Variants in SLC25A21 observed in about 807,000 individuals in gnomAD.
The protein encoded by SLC25A21 is solute carrier family 25 member 21, also known as mitochondrial 2-oxodicarboxylate carrier.
Under a neutral mutation model 43.8 loss-of-function variants are expected in SLC25A21, and 47 were observed. That is an observed-to-expected ratio of 1.07 (90% CI 0.85 to 1.37). The LOEUF is 1.37. Among genes scored for constraint, SLC25A21 ranks in the 40% most tolerant of loss-of-function variants. The pLI is 0.00. For synonymous variants in SLC25A21, 131 were observed against 121.3 expected (o/e 1.08, Z -0.52); for missense variants, 352 against 350.2 (o/e 1.00, Z -0.04).
intron 1 of SLC25A21, among the ~76,000 whole-genome samples, chr14:36,941,237 T>A (rs1253382884): frequency 6.6e-6 from 1 of 151,936 alleles, no homozygotes; most frequent in East Asian, 1.9e-4. Flanking sequence ...TGGAAAAAAA[T>A]CATCTCATAT....
At chr14:36,768,074 T>C (rs1886480403) in intron 3 of SLC25A21, among the ~76,000 whole-genome samples, 1 of 152,220 alleles carries the variant, frequency 6.6e-6, no homozygotes, top group Non-Finnish European at 1.5e-5. Flanking sequence ...TCTAAAAATC[T>C]TCGGCATTCC....
At chr14:36,993,084 C>T (rs1233092027) in intron 1 of SLC25A21, among the ~76,000 whole-genome samples, 1 of 152,142 alleles carries the variant, frequency 6.6e-6, no homozygotes, top group Non-Finnish European at 1.5e-5. Context: ...TTTATTATTG[C>T]TTTTACGTTT....
intron 1 of SLC25A21, among the ~76,000 whole-genome samples, chr14:37,108,084 T>C (rs926248767): frequency 6.6e-6 from 1 of 152,184 alleles, no homozygotes; most frequent in African/African-American, 2.4e-5. Context: ...CTCCCACCTG[T>C]GAAATAGAAA....
chr14:37,105,249 G>A (rs1962889354), intron 1 of SLC25A21, among the ~76,000 whole-genome samples: 1 of 152,204 alleles, frequency 6.6e-6, no homozygotes, highest in South Asian at 2.1e-4. Flanking sequence ...ATAATTAAAT[G>A]TGAAGTCAAA....
At chr14:37,077,200 T>TA (rs1276947826) in intron 1 of SLC25A21, among the ~76,000 whole-genome samples, 1 of 152,218 alleles carries the variant, frequency 6.6e-6, no homozygotes, top group East Asian at 1.9e-4. Context: ...CAAGCATTGA[T>TA]AAAGTTTTTT....
intron 1 of SLC25A21, among the ~76,000 whole-genome samples, chr14:37,110,105 GA>G (rs971157695): frequency 2.0e-5 from 3 of 152,090 alleles, no homozygotes; most frequent in Admixed American, 6.6e-5. Context: ...TCATACTTGT[GA>G]AAAAAATGTA....
intron 3 of SLC25A21, among the ~76,000 whole-genome samples, chr14:36,784,691 C>T (rs1337548721): frequency 2.0e-5 from 3 of 152,102 alleles, no homozygotes; most frequent in African/African-American, 7.2e-5. Context: ...AAGTAAAAGG[C>T]CAAACTGGAT....
intron 1 of SLC25A21, among the ~76,000 whole-genome samples, chr14:37,013,527 T>C (rs886715731): frequency 6.6e-6 from 1 of 152,178 alleles, no homozygotes; most frequent in African/African-American, 2.4e-5. Context: ...TTTTCAAAAA[T>C]CTCTTAATAT....
chr14:36,929,893 T>C (rs1483485914), intron 1 of SLC25A21, among the ~76,000 whole-genome samples: 2 of 152,108 alleles, frequency 1.3e-5, no homozygotes, highest in Non-Finnish European at 2.9e-5. Context: ...CCATATTACC[T>C]CCAATATTGG....
intron 3 of SLC25A21, among the ~76,000 whole-genome samples, chr14:36,769,244 G>T (rs992768549): frequency 2.0e-5 from 3 of 152,158 alleles, no homozygotes; most frequent in Non-Finnish European, 4.4e-5. Flanking sequence ...TTCTATCGTG[G>T]TGCTTTTGAA....
At chr14:36,784,462 C>G (rs1887179554) in intron 3 of SLC25A21, among the ~76,000 whole-genome samples, 1 of 152,140 alleles carries the variant, frequency 6.6e-6, no homozygotes, top group Non-Finnish European at 1.5e-5. Context: ...TTCTAAGCAG[C>G]ACATAGTCTT....
chr14:36,717,865 AAG>A (rs1410347308), intron 6 of SLC25A21, among the ~76,000 whole-genome samples: 1 of 152,128 alleles, frequency 6.6e-6, no homozygotes, highest in Admixed American at 6.5e-5. Flanking sequence ...CAACCTTATA[AAG>A]AGAGGATTTG....
intron 1 of SLC25A21, among the ~76,000 whole-genome samples, chr14:37,165,338 C>T (rs1156363756): frequency 1.3e-5 from 2 of 151,732 alleles, no homozygotes; most frequent in Non-Finnish European, 2.9e-5. Flanking sequence ...GATTGCGCCA[C>T]TGTACTCCAG....
intron 3 of SLC25A21, among the ~76,000 whole-genome samples, chr14:36,810,497 T>C (rs1422442888): frequency 6.6e-6 from 1 of 152,192 alleles, no homozygotes; most frequent in Non-Finnish European, 1.5e-5. Context: ...TAAAGGTTTA[T>C]ATTATCAACG....
chr14:36,832,156 C>A (rs1889061549), intron 2 of SLC25A21, among the ~76,000 whole-genome samples: 1 of 152,076 alleles, frequency 6.6e-6, no homozygotes, highest in Admixed American at 6.6e-5. Context: ...GAAGCTGGAG[C>A]TGTTTGTGGA....
Position 36,813,953 on chromosome 14 carries a change from C to G in SLC25A21, c.168G>C (p.Leu56Phe), listed in dbSNP as rs191845006. The change falls in exon 3 of 10, where the codon TTG becomes TTC. Residue 56 changes from leucine to phenylalanine, a missense_variant. Physicochemically the swap from Leu to Phe is conservative, Grantham distance 22. Coordinates refer to ENST00000331299, the MANE Select transcript of SLC25A21 (RefSeq NM_030631.4). The stretch of plus-strand genomic sequence containing the variant: ...GGAAAATCATTCGAAAGCTGTCTAC[C>G]AAGCTTTTATAACTGTTTGGATCGG... ...CATDPNSYKS[L>F]VDSFRMIFQM... 7.8e-5 allele frequency: 126 copies of G among 1,609,496 alleles called. No homozygotes were observed. The Admixed American group carries it at 2.1e-3, about 27-fold the overall frequency.
At chr14:36,951,438 C>A (rs1892808292) in intron 1 of SLC25A21, among the ~76,000 whole-genome samples, 1 of 152,162 alleles carries the variant, frequency 6.6e-6, no homozygotes, top group South Asian at 2.1e-4. Flanking sequence ...ATTGAACTCT[C>A]TGCATCTCAA....
At chr14:36,713,416 CT>C (rs1160411330) in intron 6 of SLC25A21, among the ~76,000 whole-genome samples, 1 of 147,760 alleles carries the variant, frequency 6.8e-6, no homozygotes, top group Non-Finnish European at 1.5e-5. Flanking sequence ...TGCTAATTGT[CT>C]GTTTCCTGAT....
intron 1 of SLC25A21, among the ~76,000 whole-genome samples, chr14:36,961,479 G>A (rs1007585268): frequency 2.0e-5 from 3 of 152,154 alleles, no homozygotes; most frequent in East Asian, 1.9e-4. Flanking sequence ...CTGAGGCTTC[G>A]CGAGAAAGTG....
Sources: gnomAD v4.1 joint callset for allele counts (sites outside exome capture counted in the v4.1 genomes callset) on GRCh38, gnomAD v4.1.1 for gene constraint, MANE v1.5 for transcripts, NCBI Gene and HGNC (gene_info 2026-07-23, HGNC 2026-07-21) for gene names.